The following TMEM108 variants were observed in gnomAD, a reference collection of about 807,000 sequenced individuals.
TMEM108 encodes the protein transmembrane protein 108.
Under a neutral mutation model 35.1 loss-of-function variants are expected in TMEM108, and 12 were observed. The ratio of observed to expected loss-of-function variants is 0.34; its 90% CI spans 0.22 to 0.55. The LOEUF is 0.55. Among genes scored for constraint, TMEM108 ranks in the 20% least tolerant of loss-of-function variants. TMEM108 has a pLI of 0.89. For synonymous variants in TMEM108, 287 were observed against 308.6 expected, an observed-to-expected ratio of 0.93 and a Z score of 0.73; for missense variants, 680 against 753.3, an observed-to-expected ratio of 0.90 and a Z score of 1.14.
intron 2 of TMEM108, among the ~76,000 whole-genome samples, chr3:133,095,169 A>G (rs1164567146): frequency 6.6e-6 from 1 of 152,224 alleles, no homozygotes; most frequent in African/African-American, 2.4e-5. Flanking sequence ...TTTGTGTCTT[A>G]ATAGCAGATC....
At chr3:133,070,033 C>T (rs1418138090) in intron 2 of TMEM108, among the ~76,000 whole-genome samples, 2 of 152,168 alleles carry the variant, frequency 1.3e-5, no homozygotes, top group Non-Finnish European at 2.9e-5. Context: ...CAGTACCATA[C>T]ATCATACCTC....
intron 4 of TMEM108, chr3:133,388,130 C>T: frequency 1.0e-6 from 1 of 985,476 alleles, no homozygotes; most frequent in South Asian, 4.7e-5. Flanking sequence ...CAAAACTGAG[C>T]TGGAGCTGAG....
chr3:133,079,698 G>C (rs915438252), intron 2 of TMEM108, among the ~76,000 whole-genome samples: 30 of 152,144 alleles, frequency 2.0e-4, no homozygotes, highest in Non-Finnish European at 4.1e-4. Context: ...CAAACATTCT[G>C]TTTATGGCAG....
Position 133,136,349 on chromosome 3 carries a change from A to G in TMEM108, c.-47+90329A>G, listed in dbSNP as rs570890026. Among the ~76,000 whole-genome samples the G allele has an allele frequency of 1.4e-3, 219 of 152,358 alleles. 1 individual carries two copies. Among genetic ancestry groups the G allele is most frequent in the African/African-American group, 4.8e-3 (199 of 41,588 alleles). The stretch of plus-strand genomic sequence containing the variant: ...GAGAGAAGGAAGACAGGGCAAGAGA[A>G]GAGGGGAGGGAAAAACATACTTCAT... On this transcript the variant is annotated intron_variant, in intron 2 of 5. Coordinates refer to ENST00000321871, the MANE Select transcript of TMEM108 (RefSeq NM_023943.4).
chr3:133,208,992 A>G (rs144327666), intron 2 of TMEM108, among the ~76,000 whole-genome samples: 99 of 152,214 alleles, frequency 6.5e-4, no homozygotes, highest in African/African-American at 1.9e-3. Flanking sequence ...TCTCAAAACT[A>G]TCTTGCAGTA....
intron 2 of TMEM108, among the ~76,000 whole-genome samples, chr3:133,169,215 A>T (rs1407739535): frequency 6.6e-6 from 1 of 152,234 alleles, no homozygotes; most frequent in Non-Finnish European, 1.5e-5. Flanking sequence ...TACATTGGGG[A>T]TTAAGTTTCC....
Position 133,385,334 on chromosome 3 carries a change from C to T in TMEM108, c.1450+4173C>T, listed in dbSNP as rs115432328. ...AGCTGTTCCAGTGTTAGACCCATAC[C>T]CTGACAGCTCTTCCCTGTGCATCCC... is the stretch of plus-strand genomic sequence containing the variant. On this transcript the variant is annotated intron_variant, in intron 4 of 5. Coordinates refer to ENST00000321871, the MANE Select transcript of TMEM108 (RefSeq NM_023943.4). Among the ~76,000 whole-genome samples the T allele has an allele frequency of 6.1e-3, 929 of 152,264 alleles. 7 individuals are homozygous for T. The highest frequency in any genetic ancestry group is 0.021 in the African/African-American group (879 of 41,536).
intron 2 of TMEM108, among the ~76,000 whole-genome samples, chr3:133,093,210 C>T (rs915054913): frequency 4.6e-5 from 7 of 152,062 alleles, no homozygotes; most frequent in African/African-American, 7.2e-5. Context: ...AGGCTGGTCT[C>T]GAACTCCTGA....
intron 2 of TMEM108, among the ~76,000 whole-genome samples, chr3:133,083,860 T>C (rs1417470069): frequency 6.7e-6 from 1 of 148,308 alleles, no homozygotes; most frequent in African/African-American, 2.4e-5. Flanking sequence ...CCATAGGGGC[T>C]AGTCCTGAGA....
At chr3:133,043,029 G>T (rs184257232) in intron 1 of TMEM108, among the ~76,000 whole-genome samples, 1 of 152,208 alleles carries the variant, frequency 6.6e-6, no homozygotes, top group Non-Finnish European at 1.5e-5. Flanking sequence ...CTGATTGATT[G>T]TGAGCAGGAT....
intron 2 of TMEM108, among the ~76,000 whole-genome samples, chr3:133,138,880 T>A (rs1484730931): frequency 2.0e-5 from 3 of 152,114 alleles, no homozygotes; most frequent in Non-Finnish European, 4.4e-5. Context: ...CGTGTTCATC[T>A]ACATTAGATA....
At chr3:133,223,681 A>G (rs946548749) in intron 2 of TMEM108, among the ~76,000 whole-genome samples, 1 of 152,234 alleles carries the variant, frequency 6.6e-6, no homozygotes, top group African/African-American at 2.4e-5. Flanking sequence ...TTCAGCTGAG[A>G]AACCATCATT....
chr3:133,139,383 T>C (rs1944610925), intron 2 of TMEM108, among the ~76,000 whole-genome samples: 1 of 152,218 alleles, frequency 6.6e-6, no homozygotes, highest in Non-Finnish European at 1.5e-5. Flanking sequence ...CTCTGTTGAT[T>C]TTCTACTAAC....
chr3:133,361,582 C>T (rs540498881), intron 3 of TMEM108, among the ~76,000 whole-genome samples: 3 of 152,294 alleles, frequency 2.0e-5, no homozygotes, highest in African/African-American at 7.2e-5. Flanking sequence ...CTTCCGTTGG[C>T]ATCAGCTGGG....
At chr3:133,159,021 T>C (rs1362192643) in intron 2 of TMEM108, among the ~76,000 whole-genome samples, 1 of 152,232 alleles carries the variant, frequency 6.6e-6, no homozygotes, top group Admixed American at 6.5e-5. Context: ...TGTTGGTGAA[T>C]GTGATGAATC....
chr3:133,074,358 T>C (rs1230188336), intron 2 of TMEM108: 2 of 152,216 alleles, frequency 1.3e-5, no homozygotes, highest in Non-Finnish European at 1.5e-5. Flanking sequence ...ATAAACACAA[T>C]GTAAGTTAAA....
At chr3:133,177,094 C>T (rs1046855281) in intron 2 of TMEM108, among the ~76,000 whole-genome samples, 1 of 152,174 alleles carries the variant, frequency 6.6e-6, no homozygotes, top group Admixed American at 6.5e-5. Flanking sequence ...TCGATACATA[C>T]ACCCTCCCAA....
chr3:133,322,153 G>A (rs148117196), intron 3 of TMEM108, among the ~76,000 whole-genome samples: 2,693 of 151,670 alleles, frequency 0.018, 69 homozygotes, highest in African/African-American at 0.06. Context: ...ACCCAAACCC[G>A]GCAGAAGAAA....
At chr3:133,202,488 T>C (rs1202112371) in intron 2 of TMEM108, among the ~76,000 whole-genome samples, 13 of 152,150 alleles carry the variant, frequency 8.5e-5, no homozygotes, top group Admixed American at 7.9e-4. Flanking sequence ...AAGGAAGGGG[T>C]CCAGGTTCAG....
Sources: allele counts gnomAD v4.1 joint callset (sites outside exome capture counted in the v4.1 genomes callset), GRCh38; gene constraint gnomAD v4.1.1; transcripts MANE v1.5; gene names NCBI Gene and HGNC (gene_info 2026-07-23, HGNC 2026-07-21).